GALNS: variants seen among roughly 807,000 people sequenced by gnomAD.
The protein encoded by GALNS is galactosamine (N-acetyl)-6-sulfatase, also known as N-acetylgalactosamine-6-sulfatase.
A neutral mutation model predicts 65.9 loss-of-function variants in GALNS; 65 were observed. That is an observed-to-expected ratio of 0.99 (90% confidence interval 0.81 to 1.21). The LOEUF is 1.21. GALNS is among the 50% of genes most tolerant of loss of function. GALNS has a pLI of 0.00. For missense variants in GALNS, 776 were observed against 700.7 expected (o/e 1.11, Z -1.21); for synonymous variants, 346 against 288.9 (o/e 1.20, Z -2.00).
intron 5 of GALNS, among the ~76,000 whole-genome samples, chr16:88,836,946 A>C (rs116779164): frequency 0.039 from 5,921 of 152,286 alleles, 152 homozygotes; most frequent in South Asian, 0.085. Context: ...CCTGTGACTA[A>C]TGCCAACCAC....
At chr16:88,822,532 T>G in intron 12 of GALNS, 57 bp downstream of exon 12, 9 of 1,600,028 alleles carry the variant, frequency 5.6e-6, no homozygotes, top group South Asian at 1.1e-5. Flanking sequence ...GGAGCCTGCA[T>G]TTGGGGGAGT....
intron 11 of GALNS, among the ~76,000 whole-genome samples, chr16:88,823,479 C>G (rs567949621): frequency 6.6e-6 from 1 of 152,086 alleles, no homozygotes; most frequent in Non-Finnish European, 1.5e-5. Context: ...GGACGGCCCT[C>G]GCAGGCGGCA....
At chr16:88,848,041 C>A (rs1016854064) in intron 1 of GALNS, among the ~76,000 whole-genome samples, 2 of 152,194 alleles carry the variant, frequency 1.3e-5, no homozygotes, top group Non-Finnish European at 1.5e-5. Context: ...CTCACACAGG[C>A]TGTGTGTGTG....
chr16:88,821,943 T>G, intron 12 of GALNS, among the ~76,000 whole-genome samples: 1 of 150,838 alleles, frequency 6.6e-6, no homozygotes. Context: ...CCTGCTGGGG[T>G]GAGGGGGGGA....
At chr16:88,836,929 G>T (rs1029656504) in intron 5 of GALNS, among the ~76,000 whole-genome samples, 33 of 152,298 alleles carry the variant, frequency 2.2e-4, no homozygotes, top group Admixed American at 6.5e-5. Context: ...AGTGCTGGTT[G>T]TCCCAGCCTG....
chr16:88,836,076 T>G, intron 6 of GALNS, 125 bp downstream of exon 6: 1 of 1,053,848 alleles, frequency 9.5e-7, no homozygotes, highest in Middle Eastern at 2.3e-4. Flanking sequence ...ATGAGGTCCC[T>G]GAACCCATGC....
At chr16:88,838,794 G>A (rs1156683213) in intron 4 of GALNS, 2 of 152,322 alleles carry the variant, frequency 1.3e-5, no homozygotes, top group Non-Finnish European at 1.5e-5. Flanking sequence ...GTCGTCTGAG[G>A]AAAGTTCTTC....
chr16:88,843,083 C>G (rs1271095226), intron 1 of GALNS: 1 of 1,502,808 alleles, frequency 6.7e-7, no homozygotes, highest in Non-Finnish European at 8.9e-7. Flanking sequence ...TCAGCCCACG[C>G]TGTCTTTCGC....
rs567979479 is a variant in GALNS at position 88,848,924 on chromosome 16, C to T, written c.121-6095G>A. 2.1e-3 allele frequency among the ~76,000 whole-genome samples: 321 copies of T among 152,316 alleles called. 2 individuals are homozygous for T. Among genetic ancestry groups the T allele is most frequent in the African/African-American group, 6.9e-3 (285 of 41,572 alleles). On this transcript the variant is annotated intron_variant, in intron 1 of 13. Coordinates refer to ENST00000268695, the MANE Select transcript of GALNS (RefSeq NM_000512.5). ...TTGTCTGGATGCAATGATCCATTTC[C>T]CCGGTGGACGGCAGGCTACATGGCC...
In GALNS at chr16:88,842,121, A is replaced by G. The variant is rs1371434970; in HGVS notation, c.245-150T>C. 4.0e-6 allele frequency: 3 copies of G among 745,758 alleles called. No homozygotes were observed. The East Asian group carries it at 8.1e-5, about 20-fold the overall frequency. The allele number at this position is 745,758 out of a possible 1,614,324, so 46.2% of individuals were successfully genotyped here. On this transcript the variant is annotated intron_variant, in intron 2 of 13. Coordinates refer to ENST00000268695, the MANE Select transcript of GALNS (RefSeq NM_000512.5). ...GCTGCCACGCCTGTCAATCCCCGTT[A>G]GCGTCTCCACCACCTGGGTGGGGCA...
At chr16:88,822,522 G>T in intron 12 of GALNS, 67 bp downstream of exon 12, 1 of 1,601,350 alleles carries the variant, frequency 6.2e-7, no homozygotes, top group Non-Finnish European at 8.5e-7. Context: ...CTGTCCCTGT[G>T]GAGCCTGCAT....
intron 12 of GALNS, among the ~76,000 whole-genome samples, chr16:88,821,945 AG>A (rs1013975993): frequency 2.0e-5 from 3 of 151,868 alleles, no homozygotes; most frequent in African/African-American, 7.3e-5. Flanking sequence ...TGCTGGGGTG[AG>A]GGGGGGAAGC....
chr16:88,850,850 CAGA>C (rs1967474929), intron 1 of GALNS, among the ~76,000 whole-genome samples: 1 of 152,252 alleles, frequency 6.6e-6, no homozygotes, highest in Non-Finnish European at 1.5e-5. Flanking sequence ...TCTTTATGCC[CAGA>C]AGGAGGATGC....
chr16:88,855,282 CTGCAGAGCCCAGCTCATCCAGCGAAGCTA>C (rs1431840791), intron 1 of GALNS: 2 of 700,152 alleles, frequency 2.9e-6, no homozygotes, highest in African/African-American at 3.5e-5. Flanking sequence ...GAGGCTTCAC[CTGCAGAGCCCAGCTCATCCAGCGAAGCTA>C]TGCTGGCCCA....
intron 1 of GALNS, among the ~76,000 whole-genome samples, chr16:88,850,054 C>T (rs1967434310): frequency 1.3e-5 from 2 of 152,226 alleles, no homozygotes; most frequent in Non-Finnish European, 2.9e-5. Flanking sequence ...AGCTCCTTGC[C>T]CTCCACCTCC....
intron 8 of GALNS, among the ~76,000 whole-genome samples, chr16:88,834,931 T>C (rs1021210340): frequency 6.6e-6 from 1 of 152,158 alleles, no homozygotes. Flanking sequence ...GCCTCCGGCC[T>C]CCGGGGTCAC....
rs572480442 is a variant in GALNS at position 88,816,956 on chromosome 16, G to C, written c.1482+1051C>G. ...GCCCAGGGGCCTCGAGGCTGGGCTC[G>C]GCCATCTCCACTGTGCTCGGTGGGC... On this transcript the variant is annotated intron_variant, in intron 13 of 13. Transcript: ENST00000268695. 1.1e-5 allele frequency: 11 copies of C among 985,438 alleles called. No homozygotes were observed. The South Asian group carries it at 4.7e-4, about 42-fold the overall frequency. The allele number at this position is 985,438 out of a possible 1,614,324, so 61.0% of individuals were successfully genotyped here. A position where few individuals can be genotyped will look rare whatever the true frequency, so the allele number is the denominator to read the frequency against.
chr16:88,846,812 G>C (rs997461784), intron 1 of GALNS, among the ~76,000 whole-genome samples: 1 of 152,044 alleles, frequency 6.6e-6, no homozygotes, highest in Non-Finnish European at 1.5e-5. Flanking sequence ...CAAAGTGCTG[G>C]GATTACAGGT....
At chr16:88,821,146 A>G (rs12919483) in intron 12 of GALNS, among the ~76,000 whole-genome samples, 61,913 of 151,852 alleles carry the variant, frequency 0.41, 12,896 homozygotes, top group East Asian at 0.64. Context: ...GCTTAAAACA[A>G]TGAAACTGCA....
Sources: gnomAD v4.1 joint callset for allele counts (sites outside exome capture counted in the v4.1 genomes callset) on GRCh38, gnomAD v4.1.1 for gene constraint, MANE v1.5 for transcripts, NCBI Gene and HGNC (gene_info 2026-07-23, HGNC 2026-07-21) for gene names.